TRPM5: variants seen among roughly 807,000 people sequenced by gnomAD.
TRPM5 encodes the protein transient receptor potential cation channel subfamily M member 5, also known as MLSN1 and TRP-related.
TRPM5 carries 121 observed loss-of-function variants against 124.9 expected under a neutral mutation model. The ratio of observed to expected loss-of-function variants is 0.97; its 90% CI spans 0.84 to 1.13. The LOEUF is 1.13. Ranked by LOEUF, TRPM5 falls within the 50% of genes most tolerant of loss-of-function variation. TRPM5 has a pLI of 0.00. For synonymous variants in TRPM5, 781 were observed against 700.5 expected (o/e 1.11, Z -1.81); for missense variants, 1,643 against 1,589.1 (o/e 1.03, Z -0.58).
In TRPM5 at chr11:2,406,594, C is replaced by T. The variant is rs1268029340; in HGVS notation, c.3251+67G>A. 107 of 1,531,804 alleles carry T rather than the reference C, an allele frequency of 7.0e-5. 1 individual carries two copies. In the South Asian group the frequency reaches 9.4e-4, roughly 13 times the overall value. 94.9% of individuals were successfully genotyped at this position (1,531,804 alleles called of 1,614,324 possible). On this transcript the variant is annotated intron_variant, in intron 21 of 23. Transcript: ENST00000155858. ...GCCAGCTCAGATCCTCTGTCACTGGCGCCAATGGCACATCCCCGCTTAAAG... is the reference window on the plus strand; with the variant it reads ...GCCAGCTCAGATCCTCTGTCACTGGTGCCAATGGCACATCCCCGCTTAAAG...
the TRPM5 span, among the ~76,000 whole-genome samples, chr11:2,437,578 C>T: frequency 6.6e-6 from 1 of 152,180 alleles, no homozygotes; most frequent in Admixed American, 6.5e-5. The surrounding 1 kb of genome is among the most constrained non-coding windows in gnomAD (Gnocchi z 5.6). Context: ...AACTGAAGGA[C>T]CCTGAGCTAG....
chr11:2,414,235 C>G, intron 11 of TRPM5, 29 bp from the exon 17 acceptor site: 1 of 1,595,230 alleles, frequency 6.3e-7, no homozygotes, highest in Non-Finnish European at 8.5e-7. Context: ...GCCGCTAGGA[C>G]GAGACGCCGA....
intron 18 of TRPM5, among the ~76,000 whole-genome samples, chr11:2,408,214 A>C (rs1457586419): frequency 6.6e-6 from 1 of 151,848 alleles, no homozygotes; most frequent in Non-Finnish European, 1.5e-5. Flanking sequence ...TAGAGCCAAG[A>C]CCCCTGGAGG....
chr11:2,417,262 T>A (rs1450025577), intron 7 of TRPM5, among the ~76,000 whole-genome samples: 1 of 152,124 alleles, frequency 6.6e-6, no homozygotes, highest in South Asian at 2.1e-4. Context: ...CCATCCTGGC[T>A]AACACGGTGA....
chr11:2,404,895 C>T (rs781469857), exon 24 of TRPM5: 5 of 1,550,420 alleles, frequency 3.2e-6, no homozygotes. Flanking sequence ...GCAGGGTGGC[C>T]AGCTGAGGAG....
chr11:2,415,823 G>C (rs1221863726), intron 8 of TRPM5, 83 bp downstream of exon 13: 1 of 1,056,766 alleles, frequency 9.5e-7, no homozygotes, highest in African/African-American at 1.6e-5. Context: ...CAGCCAAGCA[G>C]CCCACAGGGT....
chr11:2,417,715 G>GTACAC lies in TRPM5; in HGVS notation c.1009+11_1009+12insGTGTA. The GTACAC allele has an allele frequency of 2.1e-6, 1 of 470,358 alleles. No individual in the cohort carries two copies. Among genetic ancestry groups the GTACAC allele is most frequent in the South Asian group, 1.9e-5 (1 of 53,806 alleles). 29.1% of individuals were successfully genotyped at this position (470,358 alleles called of 1,614,324 possible). On this transcript the variant is annotated intron_variant, in intron 7 of 23. Transcript: ENST00000155858. ...CAATGGCGCCTGCCTTGCCCACCCT[G>GTACAC]CCCGCCCTCACCTTTCACCAGCGCC...
intron 19 of TRPM5, 68 bp downstream of exon 24, chr11:2,407,691 G>C (rs1391469335): frequency 1.0e-5 from 16 of 1,572,830 alleles, no homozygotes; most frequent in Non-Finnish European, 1.4e-5. Flanking sequence ...AAAGGAGGCG[G>C]TGTTGGGGAA....
intron 4 of TRPM5, among the ~76,000 whole-genome samples, chr11:2,419,728 CTTTG>C (rs1845739210): frequency 6.6e-6 from 1 of 151,950 alleles, no homozygotes; most frequent in African/African-American, 2.4e-5. Context: ...TAATTATATG[CTTTG>C]TTTATGAATA....
chr11:2,441,033 G>T, the TRPM5 span, among the ~76,000 whole-genome samples: 1 of 152,224 alleles, frequency 6.6e-6, no homozygotes, highest in Non-Finnish European at 1.5e-5. The surrounding 1 kb of genome is among the most constrained non-coding windows in gnomAD (Gnocchi z 7.2). Flanking sequence ...GCCCTGGAAG[G>T]TTGGTGTGAG....
At chr11:2,425,063 G>A (rs529626048), upstream of TRPM5, among the ~76,000 whole-genome samples, 2 of 152,330 alleles carry the variant, frequency 1.3e-5, no homozygotes, top group African/African-American at 4.8e-5. Flanking sequence ...ACGGCCTCCC[G>A]CGCTGGTGGA....
At chr11:2,405,830 G>C (rs1227594236) in intron 22 of TRPM5, among the ~76,000 whole-genome samples, 189 bp downstream of exon 27, 4 of 152,170 alleles carry the variant, frequency 2.6e-5, no homozygotes, top group African/African-American at 9.7e-5. Context: ...CAAGTGGCAG[G>C]GTGGGAGGAG....
intron 4 of TRPM5, among the ~76,000 whole-genome samples, chr11:2,419,440 T>C (rs1409596520): frequency 1.7e-5 from 2 of 119,438 alleles, no homozygotes; most frequent in African/African-American, 7.0e-5. Flanking sequence ...CAACCCCGTC[T>C]CTACTGGGAA....
intron 18 of TRPM5, among the ~76,000 whole-genome samples, chr11:2,410,056 T>C (rs1565007799): frequency 6.6e-6 from 1 of 152,152 alleles, no homozygotes; most frequent in Non-Finnish European, 1.5e-5. Context: ...CGAGGGGCCC[T>C]GCGGACGGGC....
intron 3 of TRPM5, 78 bp downstream of exon 8, chr11:2,420,952 GCT>G: frequency 1.4e-6 from 2 of 1,417,338 alleles, no homozygotes; most frequent in East Asian, 5.2e-5. Flanking sequence ...TCCTCCCAGA[GCT>G]CTGCCCGCTG....
chr11:2,422,080 A>G (rs1845780652), intron 2 of TRPM5, 61 bp downstream of exon 7: 3 of 1,478,558 alleles, frequency 2.0e-6, no homozygotes, highest in Non-Finnish European at 2.7e-6. Flanking sequence ...TTGCGGGGAC[A>G]GTCAGGGGGT....
chr11:2,429,189 G>A, the TRPM5 span, among the ~76,000 whole-genome samples: 279 of 151,590 alleles, frequency 1.8e-3, 3 homozygotes, highest in African/African-American at 6.5e-3. This position sits in a 1 kb window ranked among gnomAD's most constrained non-coding sequence, Gnocchi z 8.4. Flanking sequence ...TGGTGGTTAT[G>A]GTGGTGTTGG....
chr11:2,430,679 T>G, the TRPM5 span, among the ~76,000 whole-genome samples: 8 of 112,612 alleles, frequency 7.1e-5, no homozygotes, highest in East Asian at 5.1e-4. Context: ...TGGTGGTGGT[T>G]TTGGTGGTGG....
the TRPM5 span, among the ~76,000 whole-genome samples, chr11:2,432,391 G>A: frequency 6.6e-6 from 1 of 152,226 alleles, no homozygotes; most frequent in Non-Finnish European, 1.5e-5. Flanking sequence ...CTGCCCCCAC[G>A]GGGCCTCTAT....
Sources: gnomAD v4.1 joint callset for allele counts (sites outside exome capture counted in the v4.1 genomes callset) on GRCh38, gnomAD v4.1.1 for gene constraint, Gnocchi (gnomAD v3.1) non-coding constraint, MANE v1.5 for transcripts, NCBI Gene and HGNC (gene_info 2026-07-23, HGNC 2026-07-21) for gene names.